The following DPP6 variants were observed in gnomAD, a reference collection of about 807,000 sequenced individuals.
DPP6 encodes the protein A-type potassium channel modulatory protein DPP6.
A neutral mutation model predicts 122.6 loss-of-function variants in DPP6; 69 were observed. The observed-to-expected ratio is 0.56, with a 90% CI of 0.46 to 0.69. DPP6 has a LOEUF of 0.69. DPP6 is among the 30% of genes least tolerant of loss of function. The pLI is 0.00. For synonymous variants in DPP6, 418 were observed against 433.1 expected, an observed-to-expected ratio of 0.97 and a Z score of 0.43; for missense variants, 928 against 1,116.9, an observed-to-expected ratio of 0.83 and a Z score of 2.41.
intron 1 of DPP6, among the ~76,000 whole-genome samples, chr7:154,227,038 A>C (rs1800644611): frequency 6.6e-6 from 1 of 150,538 alleles, no homozygotes; most frequent in Non-Finnish European, 1.5e-5. Context: ...AAAAATCAAA[A>C]ATAGATTACA....
At chr7:154,474,793 A>G (rs1822578682) in intron 2 of DPP6, 146 bp from the exon 3 acceptor site, 3 of 603,062 alleles carry the variant, frequency 5.0e-6, no homozygotes, top group Non-Finnish European at 8.6e-6. Flanking sequence ...AACAGAATGC[A>G]AGACTGGCTT....
At chr7:154,664,710 A>G (rs193114730) in intron 6 of DPP6, among the ~76,000 whole-genome samples, 7 of 151,368 alleles carry the variant, frequency 4.6e-5, no homozygotes, top group East Asian at 3.9e-4. Context: ...TGGGAGGGCA[A>G]TTATCTGACT....
chr7:154,666,200 T>TACACAC (rs1554429582), intron 6 of DPP6, among the ~76,000 whole-genome samples: 3 of 102,504 alleles, frequency 2.9e-5, no homozygotes, highest in Admixed American at 1.2e-4. Context: ...TATATATATA[T>TACACAC]ACACATATAC....
the DPP6 span, among the ~76,000 whole-genome samples, chr7:153,779,041 T>G: frequency 3.4e-5 from 5 of 146,958 alleles, 1 homozygote; most frequent in African/African-American, 1.4e-4. Flanking sequence ...AATGGATGAA[T>G]CTCGGAAAAA....
chr7:154,380,004 A>C (rs2151139430), intron 1 of DPP6, among the ~76,000 whole-genome samples: 1 of 152,344 alleles, frequency 6.6e-6, no homozygotes, highest in African/African-American at 2.4e-5. Flanking sequence ...CCTGATTCTT[A>C]ACATCAAAAC....
At chr7:154,643,239 A>AT (rs142028442) in intron 6 of DPP6, among the ~76,000 whole-genome samples, 3,496 of 151,988 alleles carry the variant, frequency 0.023, 94 homozygotes, top group African/African-American at 0.062. Flanking sequence ...ATACTCAATA[A>AT]TTTTTTTTAT....
At chr7:154,532,401 A>G (rs1827905818) in intron 3 of DPP6, among the ~76,000 whole-genome samples, 1 of 152,150 alleles carries the variant, frequency 6.6e-6, no homozygotes, top group Admixed American at 6.5e-5. Flanking sequence ...AAAATATCAA[A>G]CCAAAGACCT....
At chr7:154,127,285 A>T (rs1357304636) in intron 1 of DPP6, among the ~76,000 whole-genome samples, 1 of 152,204 alleles carries the variant, frequency 6.6e-6, no homozygotes, top group East Asian at 1.9e-4. Flanking sequence ...TTTCCAAGAG[A>T]AAAGGGATAT....
intron 1 of DPP6, among the ~76,000 whole-genome samples, chr7:154,333,759 T>C (rs1809158201): frequency 6.6e-6 from 1 of 152,152 alleles, no homozygotes; most frequent in Non-Finnish European, 1.5e-5. Context: ...CAACATTCAG[T>C]TTGGTATTTG....
chr7:153,913,344 A>C (rs1172278159), intron 1 of DPP6, among the ~76,000 whole-genome samples: 1 of 152,218 alleles, frequency 6.6e-6, no homozygotes, highest in East Asian at 1.9e-4. Context: ...AAGTGCTGGG[A>C]TTACAGGCGT....
chr7:154,507,643 G>A (rs1419951426), intron 3 of DPP6, among the ~76,000 whole-genome samples: 1 of 152,178 alleles, frequency 6.6e-6, no homozygotes, highest in Non-Finnish European at 1.5e-5. Flanking sequence ...TGAGGAAGCA[G>A]CAGGCAAGAG....
At chr7:154,142,539 T>A (rs1298742466) in intron 1 of DPP6, among the ~76,000 whole-genome samples, 3 of 152,154 alleles carry the variant, frequency 2.0e-5, no homozygotes, top group Non-Finnish European at 4.4e-5. Context: ...ATTCATTGCA[T>A]CCCATCTTTA....
In DPP6 at chr7:154,362,380, A is replaced by G. The variant is rs77823056; in HGVS notation, c.244-83834A>G. Among the ~76,000 whole-genome samples, 893 of 152,246 alleles carry G rather than the reference A, an allele frequency of 5.9e-3. 21 individuals are homozygous for G. The highest frequency in any genetic ancestry group is 0.052 in the East Asian group (268 of 5,162). ...AAATTATTTGTCATTCGGTACAACA[A>G]AGATACCACTGCCTCCCTAGCAATA... On this transcript the variant is annotated intron_variant, in intron 1 of 25. Transcript: ENST00000377770.
intron 1 of DPP6, among the ~76,000 whole-genome samples, chr7:154,314,900 G>T (rs763173241): frequency 8.5e-5 from 13 of 152,196 alleles, no homozygotes; most frequent in Non-Finnish European, 1.5e-4. Flanking sequence ...TCGCCTGGAG[G>T]TCAGTTAAGA....
intron 1 of DPP6, among the ~76,000 whole-genome samples, chr7:153,974,043 A>G (rs1180928720): frequency 6.6e-6 from 1 of 152,008 alleles, no homozygotes; most frequent in Non-Finnish European, 1.5e-5. Context: ...GGACTTACCT[A>G]TGCAGGTCCA....
At chr7:153,963,339 C>T (rs7803263) in intron 1 of DPP6, among the ~76,000 whole-genome samples, 95,726 of 148,564 alleles carry the variant, frequency 0.64, 32,160 homozygotes, top group East Asian at 0.92. Flanking sequence ...ATTTCTCCCT[C>T]GTCTTGCTCC....
chr7:154,418,611 G>A lies in DPP6; in HGVS notation c.244-27603G>A, dbSNP rs190533112. Among the ~76,000 whole-genome samples, 31 of 152,272 alleles carry A rather than the reference G, an allele frequency of 2.0e-4. No individual in the cohort carries two copies. The East Asian group carries it at 5.0e-3, about 25-fold the overall frequency. On this transcript the variant is annotated intron_variant, in intron 1 of 25. Coordinates refer to ENST00000377770, the MANE Select transcript of DPP6 (RefSeq NM_130797.4). ...CAGCTCTATCTGTGAGTCCTAGAGG[G>A]TAGGAAATAACAGTGACCTCATAAG... is the stretch of plus-strand genomic sequence containing the variant.
At chr7:153,793,531 C>T in the DPP6 span, among the ~76,000 whole-genome samples, 2 of 150,756 alleles carry the variant, frequency 1.3e-5, no homozygotes, top group African/African-American at 2.4e-5. Flanking sequence ...GGAAGCAGAG[C>T]ATAAAAGTTC....
chr7:154,368,614 G>T (rs115396508), intron 1 of DPP6, among the ~76,000 whole-genome samples: 6,310 of 152,274 alleles, frequency 0.041, 420 homozygotes, highest in African/African-American at 0.14. Context: ...TCTGGTTTTA[G>T]TAGTTGTATT....
Sources: allele counts gnomAD v4.1 joint callset (sites outside exome capture counted in the v4.1 genomes callset), GRCh38; gene constraint gnomAD v4.1.1; transcripts MANE v1.5; gene names NCBI Gene and HGNC (gene_info 2026-07-23, HGNC 2026-07-21).